Variants in PCDH15 observed in about 807,000 individuals in gnomAD.
The protein encoded by PCDH15 is protocadherin related 15, also known as protocadherin-15.
Under a neutral mutation model 178.5 loss-of-function variants are expected in PCDH15, and 129 were observed. The ratio of observed to expected loss-of-function variants is 0.72; its 90% CI spans 0.63 to 0.84. The LOEUF (loss-of-function observed/expected upper bound fraction) is 0.84. PCDH15 is among the 40% of genes least tolerant of loss of function. The pLI is 0.00. For missense variants in PCDH15, 2,230 were observed against 2,099.9 expected (o/e 1.06, Z -1.21); for synonymous variants, 800 against 732.0 (o/e 1.09, Z -1.50).
At chr10:54,968,059 A>G (rs1838836423) in intron 2 of PCDH15, among the ~76,000 whole-genome samples, 1 of 152,192 alleles carries the variant, frequency 6.6e-6, no homozygotes, top group African/African-American at 2.4e-5. Context: ...GTCACAACAC[A>G]ACCTATAACA....
At chr10:54,245,791 GATTAAAGCATTTCA>G (rs1040799940) in intron 8 of PCDH15, among the ~76,000 whole-genome samples, 3 of 151,890 alleles carry the variant, frequency 2.0e-5, no homozygotes, top group Non-Finnish European at 4.4e-5. Flanking sequence ...GTATAGTATA[GATTAAAGCATTTCA>G]ATTTGAGCTT....
chr10:55,275,635 A>G (rs1219108673), intron 1 of PCDH15, among the ~76,000 whole-genome samples: 1 of 150,582 alleles, frequency 6.6e-6, no homozygotes, highest in Non-Finnish European at 1.5e-5. Flanking sequence ...ATTTATCTAT[A>G]CAATAATTTC....
At chr10:54,571,606 G>C (rs1459949750) in intron 2 of PCDH15, among the ~76,000 whole-genome samples, 1 of 151,952 alleles carries the variant, frequency 6.6e-6, no homozygotes, top group Non-Finnish European at 1.5e-5. Context: ...ACATATGCTG[G>C]AATGGAAATA....
chr10:54,779,604 G>A (rs529157223), intron 1 of PCDH15, among the ~76,000 whole-genome samples: 4 of 148,238 alleles, frequency 2.7e-5, no homozygotes, highest in South Asian at 4.3e-4. Context: ...GTGATGCTCC[G>A]GGCTGGTATG....
intron 25 of PCDH15, among the ~76,000 whole-genome samples, chr10:53,926,703 G>T (rs1187990775): frequency 6.6e-6 from 1 of 152,136 alleles, no homozygotes; most frequent in Non-Finnish European, 1.5e-5. Flanking sequence ...CAAGGGCCAT[G>T]GTCACTCATA....
At chr10:53,830,931 C>G (rs1290500516) in intron 30 of PCDH15, among the ~76,000 whole-genome samples, 1 of 152,160 alleles carries the variant, frequency 6.6e-6, no homozygotes, top group African/African-American at 2.4e-5. Flanking sequence ...AAGTTATTGA[C>G]CTTCCTTTGG....
At chr10:54,712,363 TA>T (rs1274048561) in intron 1 of PCDH15, among the ~76,000 whole-genome samples, 1 of 151,762 alleles carries the variant, frequency 6.6e-6, no homozygotes, top group East Asian at 1.9e-4. Context: ...AAAAGAGATT[TA>T]AAAAATCATA....
In PCDH15 at chr10:54,875,106, G is replaced by A. The variant is rs559481107; in HGVS notation, c.-29+22344C>T. On this transcript the variant is annotated intron_variant, in intron 3 of 5. Transcript: ENST00000458638. ...AGCAACTCTATCAGTGCTATTTTTC[G>A]AACAGCACGTGCTCATTTCATGTCA... Among the ~76,000 whole-genome samples, 8 of 152,136 alleles carry A rather than the reference G, an allele frequency of 5.3e-5. No homozygotes were observed. The South Asian group carries it at 8.3e-4, about 16-fold the overall frequency.
At chr10:54,170,165 T>A in intron 13 of PCDH15, among the ~76,000 whole-genome samples, 1 of 146,956 alleles carries the variant, frequency 6.8e-6, no homozygotes, top group Non-Finnish European at 1.5e-5. Flanking sequence ...CCCAAATTTC[T>A]TCCTCATCTG....
At chr10:54,062,534 C>A (rs1315931977) in intron 18 of PCDH15, among the ~76,000 whole-genome samples, 1 of 152,088 alleles carries the variant, frequency 6.6e-6, no homozygotes, top group Non-Finnish European at 1.5e-5. Context: ...AAACATTACA[C>A]TGTGCAGAAT....
intron 27 of PCDH15, among the ~76,000 whole-genome samples, chr10:53,858,939 T>C (rs760176447): frequency 3.3e-5 from 5 of 152,126 alleles, no homozygotes; most frequent in Non-Finnish European, 7.4e-5. Context: ...TAAAATTACA[T>C]GATAAAAATT....
chr10:54,889,055 A>C (rs1268183049), intron 3 of PCDH15, among the ~76,000 whole-genome samples: 1 of 151,896 alleles, frequency 6.6e-6, no homozygotes, highest in Non-Finnish European at 1.5e-5. Context: ...ACAATATTAC[A>C]GGCCAAAACC....
chr10:55,099,004 G>A (rs1021157545), intron 2 of PCDH15, among the ~76,000 whole-genome samples: 22 of 151,282 alleles, frequency 1.5e-4, no homozygotes, highest in Admixed American at 1.3e-3. Context: ...TGTGTTGCGT[G>A]TCCTTAATCT....
chr10:55,473,221 A>C (rs1839999383), intron 2 of PCDH15, among the ~76,000 whole-genome samples: 1 of 152,096 alleles, frequency 6.6e-6, no homozygotes, highest in Non-Finnish European at 1.5e-5. Context: ...TTGTTTTCTG[A>C]CCATCTAAGA....
intron 2 of PCDH15, among the ~76,000 whole-genome samples, chr10:55,622,105 T>A (rs1368690495): frequency 3.0e-5 from 2 of 65,998 alleles, no homozygotes; most frequent in Admixed American, 3.5e-4. Flanking sequence ...TGTATATATA[T>A]TATATATATC....
chr10:54,057,407 G>A (rs1013630115), intron 18 of PCDH15, among the ~76,000 whole-genome samples: 9 of 152,188 alleles, frequency 5.9e-5, no homozygotes, highest in African/African-American at 2.2e-4. Context: ...ATTGACTTCT[G>A]TGCACCTGCA....
chr10:55,605,426 G>A (rs975990406), intron 2 of PCDH15, among the ~76,000 whole-genome samples: 34 of 150,754 alleles, frequency 2.3e-4, no homozygotes, highest in African/African-American at 4.6e-4. Flanking sequence ...TACCAAAGCC[G>A]GGCAGAGACA....
At chr10:55,044,312 A>AC (rs766893872) in intron 2 of PCDH15, among the ~76,000 whole-genome samples, 9 of 152,146 alleles carry the variant, frequency 5.9e-5, no homozygotes, top group Non-Finnish European at 1.3e-4. Flanking sequence ...CAGTTATGTC[A>AC]CAAAAGTAAA....
intron 3 of PCDH15, among the ~76,000 whole-genome samples, chr10:54,831,314 A>G (rs1020345902): frequency 6.6e-6 from 1 of 152,088 alleles, no homozygotes; most frequent in South Asian, 2.1e-4. Flanking sequence ...GACAGAAAAA[A>G]CTTATTGTCA....
Sources: allele counts gnomAD v4.1 joint callset (sites outside exome capture counted in the v4.1 genomes callset), GRCh38; gene constraint gnomAD v4.1.1; transcripts MANE v1.5; gene names NCBI Gene and HGNC (gene_info 2026-07-23, HGNC 2026-07-21).